Variants in SYTL5 observed in about 807,000 individuals in gnomAD.
SYTL5 encodes synaptotagmin like 5.
SYTL5 carries 34 observed loss-of-function variants against 55.9 expected under a neutral mutation model. The observed-to-expected ratio is 0.61, with a 90% confidence interval of 0.46 to 0.81. The LOEUF (loss-of-function observed/expected upper bound fraction) is 0.81. Ranked by LOEUF, SYTL5 falls within the 30% of genes least tolerant of loss-of-function variation. The pLI, the probability that SYTL5 is intolerant of heterozygous loss-of-function variation, is 0.00. For synonymous variants in SYTL5, 221 were observed against 188.7 expected (o/e 1.17, Z -1.40); for missense variants, 637 against 546.7 (o/e 1.17, Z -1.65).
the SYTL5 span, among the ~76,000 whole-genome samples, chrX:37,995,430 T>C: frequency 8.9e-6 from 1 of 111,944 alleles, no homozygotes; most frequent in Non-Finnish European, 1.9e-5. Flanking sequence ...GAAGCCTTTC[T>C]TGCCACATGA....
At chrX:37,889,093 G>A in the SYTL5 span, among the ~76,000 whole-genome samples, 3 of 112,212 alleles carry the variant, frequency 2.7e-5, no homozygotes, top group East Asian at 8.4e-4. Flanking sequence ...AATTTGAGAT[G>A]CTTTGGATAT....
chrX:37,948,296 AGTT>A, the SYTL5 span, among the ~76,000 whole-genome samples: 71 of 110,795 alleles, frequency 6.4e-4, no homozygotes, highest in African/African-American at 2.1e-3. Flanking sequence ...TAGGAATATT[AGTT>A]GTTCTAGAAT....
intron 1 of SYTL5, among the ~76,000 whole-genome samples, chrX:38,007,965 TAA>T (rs1460060093): frequency 8.9e-6 from 1 of 111,968 alleles, no homozygotes; most frequent in Non-Finnish European, 1.9e-5. Flanking sequence ...TCAGATTTGT[TAA>T]AGTCTTCTGA....
At chrX:37,965,063 C>A in the SYTL5 span, among the ~76,000 whole-genome samples, 1 of 111,051 alleles carries the variant, frequency 9.0e-6, no homozygotes, top group African/African-American at 3.3e-5. Context: ...TTTTGATACT[C>A]AATTTTATTT....
At chrX:38,071,649 G>C (rs1035278807) in intron 3 of SYTL5, among the ~76,000 whole-genome samples, 3 of 111,496 alleles carry the variant, frequency 2.7e-5, no homozygotes, top group Non-Finnish European at 5.7e-5. Context: ...TTGCATTGAA[G>C]ATCACTTATC....
upstream of SYTL5, among the ~76,000 whole-genome samples, chrX:38,005,800 G>A (rs58281645): frequency 5.4e-5 from 6 of 111,835 alleles, no homozygotes; most frequent in African/African-American, 1.9e-4. Flanking sequence ...TCACGTTTTC[G>A]ATTCTCCAGG....
intron 6 of SYTL5, among the ~76,000 whole-genome samples, chrX:38,082,371 A>C (rs933761259): frequency 2.4e-4 from 27 of 112,391 alleles, no homozygotes; most frequent in African/African-American, 7.8e-4. Flanking sequence ...GGTAGCTAAG[A>C]TACAATAGAT....
At chrX:38,125,257 C>T (rs1937617803) in intron 15 of SYTL5, 41 bp from the exon 16 acceptor site, 3 of 1,125,942 alleles carry the variant, frequency 2.7e-6, no homozygotes, top group South Asian at 1.9e-5. Context: ...CATTTTCTGT[C>T]TGCTGTCTTA....
Position 38,122,119 on chromosome X carries a change from C to T in SYTL5, c.1745C>T (p.Pro582Leu). 1.7e-6 allele frequency: 2 copies of T among 1,203,057 alleles called. No homozygotes were observed. Among genetic ancestry groups the T allele is most frequent in the South Asian group, 3.6e-5 (2 of 55,305 alleles). The change falls in exon 15 of 17, where the codon CCT (proline) becomes CTT (leucine). Residue 582 changes from proline (P) to leucine (L), a missense_variant. Pro to Leu is a moderately conservative substitution (Grantham distance 98, BLOSUM62 -3). Transcript: ENST00000297875. The part of the protein sequence containing the change: ...TFKKGKKKES[P>L]VISGGILEVF... ...AAAAAGGGAAAGAAGAAGGAGTCAC[C>T]TGTAATCTCTGGAGGAATACTAGAA... is the stretch of plus-strand genomic sequence containing the variant.
chrX:38,070,508 G>T (rs753920701), intron 3 of SYTL5, among the ~76,000 whole-genome samples: 1 of 110,305 alleles, frequency 9.1e-6, no homozygotes, highest in Admixed American at 9.7e-5. Flanking sequence ...TTTCTAATTT[G>T]CCTGCCTACC....
chrX:38,034,008 G>A lies in SYTL5; in HGVS notation c.119G>A (p.Arg40Lys), dbSNP rs1170082720. ...YLKKVEDKRI[R>K]KLKNELLEAK... ...AAAAAAGTGGAGGACAAGAGAATAA[G>A]GTAGTATTCTTTTTATTTTTTCAGT... is the stretch of plus-strand genomic sequence containing the variant. The change falls in exon 2 of 17, where the codon AGG becomes AAG. Residue 40 changes from arginine to lysine, a missense_variant and splice_region_variant. Physicochemically the swap from Arg to Lys is conservative, Grantham distance 26. Coordinates refer to ENST00000297875, the MANE Select transcript of SYTL5 (RefSeq NM_138780.3). 9.3e-7 allele frequency: 1 copy of A among 1,079,725 alleles called. No homozygotes were observed. Among genetic ancestry groups the A allele is most frequent in the Non-Finnish European group, 1.3e-6 (1 of 792,617 alleles). 89.0% of individuals were successfully genotyped at this position (1,079,725 alleles called of 1,213,427 possible). A position where few individuals can be genotyped will look rare whatever the true frequency, so the allele number is the denominator to read the frequency against.
At chrX:37,935,895 G>A in the SYTL5 span, among the ~76,000 whole-genome samples, 1 of 112,300 alleles carries the variant, frequency 8.9e-6, no homozygotes, top group African/African-American at 3.2e-5. Flanking sequence ...AATCCTGCTT[G>A]ACGAGTAATC....
At chrX:37,928,488 A>G in the SYTL5 span, among the ~76,000 whole-genome samples, 2 of 111,323 alleles carry the variant, frequency 1.8e-5, no homozygotes, top group Admixed American at 1.9e-4. Context: ...AAGTTGAGTA[A>G]CTGCCACAGA....
rs749152917 is a variant in SYTL5 at position 38,076,278 on chromosome X, C to A, written c.555-289C>A. On this transcript the variant is annotated intron_variant, in intron 5 of 16. Transcript: ENST00000297875. The stretch of plus-strand genomic sequence containing the variant: ...GCAAACAGGCCCAACTCAGGGAATG[C>A]ATCTTCTTTCTCAGGTGACAGTGCT... Among the ~76,000 whole-genome samples the A allele has an allele frequency of 4.5e-5, 5 of 111,898 alleles. No homozygotes were observed. In the East Asian group the frequency reaches 1.4e-3, roughly 32 times the overall value.
intron 1 of SYTL5, among the ~76,000 whole-genome samples, chrX:38,019,197 C>T (rs1264429680): frequency 1.8e-5 from 2 of 112,190 alleles, no homozygotes; most frequent in African/African-American, 6.5e-5. Flanking sequence ...GGCCACTCAG[C>T]CTCTTTCGCT....
chrX:38,125,448 C>T lies in SYTL5; in HGVS notation c.1992C>T (p.Asp664=), dbSNP rs767762317. 1.2e-5 allele frequency: 14 copies of T among 1,211,327 alleles called. No individual in the cohort carries two copies. The highest frequency in any genetic ancestry group is 1.6e-5 in the Non-Finnish European group (14 of 895,086). The part of the protein sequence containing the change: ...KNVCLELTIW[D]KEAFSSNIFL... ...TTTGCCTAGAACTTACTATCTGGGA[C>T]AAGGAGGCCTTTTCCAGCAACATCT... Residue 664 remains aspartate (D), a synonymous_variant, in exon 16 of 17, where the codon GAC becomes GAT. Coordinates refer to ENST00000297875, the MANE Select transcript of SYTL5 (RefSeq NM_138780.3).
At chrX:37,949,485 G>A in the SYTL5 span, 2 of 111,825 alleles carry the variant, frequency 1.8e-5, no homozygotes, top group Non-Finnish European at 3.8e-5. Flanking sequence ...GCTGCCCAAA[G>A]CATTCCTCAT....
intron 1 of SYTL5, among the ~76,000 whole-genome samples, chrX:38,031,669 A>C (rs1602321948): frequency 1.8e-5 from 2 of 112,444 alleles, no homozygotes; most frequent in East Asian, 5.5e-4. Flanking sequence ...CTGAGTTTTC[A>C]ATTTTTTTTC....
intron 3 of SYTL5, among the ~76,000 whole-genome samples, chrX:38,071,128 A>G (rs191435643): frequency 8.9e-6 from 1 of 112,265 alleles, no homozygotes; most frequent in Non-Finnish European, 1.9e-5. Context: ...TATGGAAAAC[A>G]AAAGATGAAG....
Sources: allele counts gnomAD v4.1 joint callset (sites outside exome capture counted in the v4.1 genomes callset), GRCh38; gene constraint gnomAD v4.1.1; transcripts MANE v1.5; gene names NCBI Gene and HGNC (gene_info 2026-07-23, HGNC 2026-07-21).